USH2A: variants seen among roughly 807,000 people sequenced by gnomAD.
USH2A encodes usherin.
In USH2A, 443 loss-of-function variants were observed where a neutral mutation model predicts 538.9. The observed-to-expected ratio is 0.82, with a 90% confidence interval of 0.76 to 0.89. The LOEUF (loss-of-function observed/expected upper bound fraction) is 0.89. USH2A is among the 40% of genes least tolerant of loss of function. The pLI is 0.00. For missense variants in USH2A, 6,633 were observed against 6,324.8 expected (o/e 1.05, Z -1.65); for synonymous variants, 2,413 against 2,273.5 (o/e 1.06, Z -1.75).
At chr1:215,780,094 C>T in intron 54 of USH2A, 53 bp from the exon 55 acceptor site, 10 of 1,583,976 alleles carry the variant, frequency 6.3e-6, no homozygotes, top group Non-Finnish European at 8.7e-6. Context: ...ACTAGCTATC[C>T]TGATCAATGA....
intron 14 of USH2A, among the ~76,000 whole-genome samples, chr1:216,223,363 T>C (rs1646140510): frequency 6.6e-6 from 1 of 152,168 alleles, no homozygotes; most frequent in Admixed American, 6.5e-5. Flanking sequence ...AGAGAATATA[T>C]AGTTTGGCAG....
intron 11 of USH2A, among the ~76,000 whole-genome samples, chr1:216,275,826 T>C (rs1026838635): frequency 2.6e-5 from 4 of 152,176 alleles, no homozygotes; most frequent in Admixed American, 2.6e-4. Flanking sequence ...TGCTATTTCC[T>C]ATTTAGGAAT....
intron 55 of USH2A, among the ~76,000 whole-genome samples, chr1:215,768,788 A>C (rs1297719877): frequency 6.6e-6 from 1 of 152,210 alleles, no homozygotes; most frequent in East Asian, 1.9e-4. Context: ...GGTCTTGACC[A>C]GTGTGATACC....
At chr1:216,036,710 T>G (rs1325771605) in intron 32 of USH2A, among the ~76,000 whole-genome samples, 1 of 152,142 alleles carries the variant, frequency 6.6e-6, no homozygotes, top group Non-Finnish European at 1.5e-5. Flanking sequence ...AGATCTGAAC[T>G]TGGAGAAAGA....
intron 58 of USH2A, among the ~76,000 whole-genome samples, chr1:215,745,115 A>C (rs1660435637): frequency 6.6e-6 from 1 of 152,152 alleles, no homozygotes; most frequent in South Asian, 2.1e-4. Flanking sequence ...AGTAAGTCAT[A>C]ATACCATCTT....
intron 9 of USH2A, among the ~76,000 whole-genome samples, chr1:216,293,811 A>C (rs2037052105): frequency 1.3e-5 from 2 of 152,198 alleles, no homozygotes; most frequent in Admixed American, 1.3e-4. Flanking sequence ...TACTGAAAAA[A>C]ATAAACGTGA....
At chr1:216,140,392 C>A (rs566601784) in intron 21 of USH2A, among the ~76,000 whole-genome samples, 2 of 152,118 alleles carry the variant, frequency 1.3e-5, no homozygotes, top group Non-Finnish European at 2.9e-5. Flanking sequence ...ATAGATTGTG[C>A]CGTGTCTGCT....
chr1:215,973,776 G>C (rs1235045200), intron 35 of USH2A, among the ~76,000 whole-genome samples: 1 of 151,118 alleles, frequency 6.6e-6, no homozygotes, highest in Non-Finnish European at 1.5e-5. Flanking sequence ...GACAGTTATT[G>C]AAAGAAGGGC....
intron 32 of USH2A, among the ~76,000 whole-genome samples, chr1:216,023,469 A>AAAAAAAAAAAAAAAAAAAAAAAAC (rs1668890520): frequency 6.7e-6 from 1 of 148,164 alleles, no homozygotes; most frequent in Non-Finnish European, 1.5e-5. Context: ...CAAAAAAAAA[A>AAAAAAAAAAAAAAAAAAAAAAAAC]AAAAAAAAAA....
intron 37 of USH2A, among the ~76,000 whole-genome samples, chr1:215,962,965 C>A (rs1393915884): frequency 6.6e-6 from 1 of 151,998 alleles, no homozygotes; most frequent in Non-Finnish European, 1.5e-5. Flanking sequence ...ACAGACACAG[C>A]CCAATTTCTC....
At chr1:216,363,960 A>T (rs1478699583) in intron 4 of USH2A, among the ~76,000 whole-genome samples, 1 of 151,566 alleles carries the variant, frequency 6.6e-6, no homozygotes, top group Non-Finnish European at 1.5e-5. Context: ...AATTATATCT[A>T]TCTCTGAAGA....
At chr1:216,089,827 A>AG (rs2032251042) in intron 22 of USH2A, among the ~76,000 whole-genome samples, 1 of 151,916 alleles carries the variant, frequency 6.6e-6, no homozygotes, top group African/African-American at 2.4e-5. Flanking sequence ...TAAAAAAAAA[A>AG]ACTGAGAAAG....
chr1:216,202,044 T>A (rs903308941), intron 16 of USH2A, among the ~76,000 whole-genome samples: 4 of 152,138 alleles, frequency 2.6e-5, no homozygotes, highest in Non-Finnish European at 2.9e-5. Flanking sequence ...GTTACCCTTA[T>A]CCCACAATAA....
intron 61 of USH2A, among the ~76,000 whole-genome samples, chr1:215,716,319 G>A (rs1172496071): frequency 5.3e-5 from 8 of 152,164 alleles, no homozygotes; most frequent in Admixed American, 1.3e-4. Context: ...ACGGATTTGG[G>A]GTTGGCAGAG....
At chr1:215,947,429 A>G (rs1453872410) in intron 37 of USH2A, among the ~76,000 whole-genome samples, 1 of 152,214 alleles carries the variant, frequency 6.6e-6, no homozygotes, top group Non-Finnish European at 1.5e-5. Flanking sequence ...AGCTCACATT[A>G]TATTTCTATT....
intron 51 of USH2A, among the ~76,000 whole-genome samples, chr1:215,787,426 T>C (rs1296496078): frequency 6.6e-6 from 1 of 152,188 alleles, no homozygotes; most frequent in South Asian, 2.1e-4. Context: ...AAAATATAAA[T>C]GTTTCATGAA....
intron 61 of USH2A, among the ~76,000 whole-genome samples, chr1:215,709,194 T>C (rs138519640): frequency 6.6e-6 from 1 of 152,182 alleles, no homozygotes; most frequent in Admixed American, 6.5e-5. Context: ...AATCTTTCAG[T>C]GTGTATTGTG....
At chr1:216,389,826 C>G (rs1241197905) in intron 3 of USH2A, among the ~76,000 whole-genome samples, 1 of 152,126 alleles carries the variant, frequency 6.6e-6, no homozygotes, top group Non-Finnish European at 1.5e-5. Flanking sequence ...TTCTATACAT[C>G]TTCCCTTCAG....
intron 11 of USH2A, among the ~76,000 whole-genome samples, chr1:216,289,041 T>C (rs1048039999): frequency 1.3e-5 from 2 of 152,164 alleles, no homozygotes; most frequent in African/African-American, 4.8e-5. Context: ...CTTCGATTTT[T>C]TGACATTTGT....
Sources: allele counts gnomAD v4.1 joint callset (sites outside exome capture counted in the v4.1 genomes callset), GRCh38; gene constraint gnomAD v4.1.1; transcripts MANE v1.5; gene names NCBI Gene and HGNC (gene_info 2026-07-23, HGNC 2026-07-21).